EXOC6B: variants seen among roughly 807,000 people sequenced by gnomAD.
The protein encoded by EXOC6B is SEC15 homolog B.
EXOC6B carries 54 observed loss-of-function variants against 113.5 expected under a neutral mutation model. The observed-to-expected ratio is 0.48, with a 90% CI of 0.38 to 0.60. The LOEUF (loss-of-function observed/expected upper bound fraction) is 0.60. Among genes scored for constraint, EXOC6B ranks in the 20% least tolerant of loss-of-function variants. EXOC6B has a pLI of 0.00. For synonymous variants in EXOC6B, 357 were observed against 339.0 expected (o/e 1.05, Z -0.58); for missense variants, 797 against 977.5 (o/e 0.82, Z 2.46).
intron 6 of EXOC6B, among the ~76,000 whole-genome samples, chr2:72,612,061 T>C (rs766866923): frequency 2.0e-5 from 3 of 152,028 alleles, no homozygotes; most frequent in Non-Finnish European, 4.4e-5. Flanking sequence ...GGCGGGTGGA[T>C]CACTTGAGGC....
chr2:72,573,664 G>A (rs1266902543), intron 7 of EXOC6B, among the ~76,000 whole-genome samples: 1 of 152,174 alleles, frequency 6.6e-6, no homozygotes, highest in African/African-American at 2.4e-5. Context: ...GTGCAATAGG[G>A]ATAGGATGAA....
chr2:72,706,917 A>G (rs1035323232), intron 6 of EXOC6B, among the ~76,000 whole-genome samples: 1 of 152,184 alleles, frequency 6.6e-6, no homozygotes, highest in Non-Finnish European at 1.5e-5. Context: ...AAGAAGTTCA[A>G]CCATAGTGAT....
At position 72,179,097 on chromosome 2, in the gene EXOC6B, A is replaced by T. The variant is rs1677920963; in HGVS notation, c.*238T>A. 2.1e-6 allele frequency: 1 copy of T among 467,154 alleles called. No homozygotes were observed. Among genetic ancestry groups the T allele is most frequent in the Non-Finnish European group, 3.7e-6 (1 of 268,702 alleles). 28.9% of individuals were successfully genotyped at this position (467,154 alleles called of 1,614,324 possible). A position where few individuals can be genotyped will look rare whatever the true frequency, so the allele number is the denominator to read the frequency against. On this transcript the variant is annotated 3_prime_UTR_variant, in exon 22 of 22. Transcript: ENST00000272427. Reference sequence around the variant, plus strand: ...ATGATACCACCATCTCTAAGATAACACAGATAGTGTAGTAATAACTTCCCC... The same window carrying T: ...ATGATACCACCATCTCTAAGATAACTCAGATAGTGTAGTAATAACTTCCCC...
At chr2:72,805,584 T>C (rs1485263217) in intron 1 of EXOC6B, among the ~76,000 whole-genome samples, 3 of 152,206 alleles carry the variant, frequency 2.0e-5, no homozygotes, top group Non-Finnish European at 2.9e-5. Flanking sequence ...TGTGAAATGA[T>C]TAAATCAAGG....
intron 20 of EXOC6B, among the ~76,000 whole-genome samples, chr2:72,261,030 G>C (rs768630122): frequency 8.5e-5 from 13 of 152,074 alleles, no homozygotes; most frequent in Admixed American, 3.3e-4. Flanking sequence ...TGTTGACAAG[G>C]TCTATAAACT....
intron 6 of EXOC6B, among the ~76,000 whole-genome samples, chr2:72,695,015 T>C (rs1002130404): frequency 6.6e-6 from 1 of 152,190 alleles, no homozygotes; most frequent in African/African-American, 2.4e-5. Flanking sequence ...CAGCCGCTAC[T>C]CCACAAGCAA....
chr2:72,524,875 A>G (rs1701679413), intron 8 of EXOC6B, among the ~76,000 whole-genome samples: 2 of 152,258 alleles, frequency 1.3e-5, no homozygotes, highest in South Asian at 2.1e-4. Context: ...CATTAAAAAT[A>G]TCATTACTTC....
intron 20 of EXOC6B, among the ~76,000 whole-genome samples, chr2:72,323,638 T>C (rs184898947): frequency 1.3e-5 from 2 of 152,208 alleles, no homozygotes; most frequent in East Asian, 3.9e-4. Flanking sequence ...ATATACACCA[T>C]GGAATACTAT....
intron 18 of EXOC6B, among the ~76,000 whole-genome samples, chr2:72,426,716 T>C (rs1216088922): frequency 1.3e-5 from 2 of 152,220 alleles, no homozygotes; most frequent in African/African-American, 4.8e-5. Flanking sequence ...GTGCGCTTAT[T>C]TCCCAGTTAA....
chr2:72,539,003 A>G (rs1702451160), intron 8 of EXOC6B, among the ~76,000 whole-genome samples: 2 of 152,216 alleles, frequency 1.3e-5, no homozygotes, highest in African/African-American at 4.8e-5. Flanking sequence ...TGAAATACAT[A>G]TAACAATGCC....
Position 72,496,447 on chromosome 2 carries a change from TC to T in EXOC6B, c.1443+6del. ...ACCAGAGAAATTTATTTTAAAGTAT[TC>T]CTTACCTTTTCCAGTTCTATATCTT... On this transcript the variant is annotated splice_donor_region_variant and intron_variant, in intron 14 of 21. Transcript: ENST00000272427. The T allele has an allele frequency of 6.5e-7, 1 of 1,536,784 alleles. No homozygotes were observed. Among genetic ancestry groups the T allele is most frequent in the East Asian group, 2.3e-5 (1 of 44,082 alleles).
At chr2:72,220,821 T>C (rs1329188409) in intron 20 of EXOC6B, among the ~76,000 whole-genome samples, 1 of 152,168 alleles carries the variant, frequency 6.6e-6, no homozygotes, top group East Asian at 1.9e-4. Flanking sequence ...TCTAAAGACA[T>C]TTATTTCCTT....
chr2:72,270,048 A>AC, intron 20 of EXOC6B, among the ~76,000 whole-genome samples: 1 of 152,130 alleles, frequency 6.6e-6, no homozygotes. Context: ...ATGTGCCCCA[A>AC]CCCCTCATAT....
chr2:72,653,605 C>CCG (rs1355027935), intron 6 of EXOC6B, among the ~76,000 whole-genome samples: 105 of 144,856 alleles, frequency 7.2e-4, no homozygotes, highest in Non-Finnish European at 1.2e-3. Flanking sequence ...GCAACCCCCC[C>CCG]CCAAAAAGAA....
chr2:72,672,144 A>G (rs1019215739), intron 6 of EXOC6B, among the ~76,000 whole-genome samples: 1 of 151,876 alleles, frequency 6.6e-6, no homozygotes, highest in Admixed American at 6.6e-5. Flanking sequence ...AAGTTCCTCA[A>G]AAAACTAAGA....
intron 1 of EXOC6B, among the ~76,000 whole-genome samples, chr2:72,744,731 C>T (rs1389472840): frequency 1.3e-5 from 2 of 152,148 alleles, no homozygotes; most frequent in Non-Finnish European, 2.9e-5. Context: ...CTGGGTAAAA[C>T]TTCTTTTCAT....
Position 72,403,778 on chromosome 2 carries a change from G to A in EXOC6B, c.1981-23908C>T, listed in dbSNP as rs531264582. Among the ~76,000 whole-genome samples, 358 of 152,262 alleles carry A rather than the reference G, an allele frequency of 2.4e-3. 1 individual carries two copies. The highest frequency in any genetic ancestry group is 8.0e-3 in the African/African-American group (331 of 41,540). On this transcript the variant is annotated intron_variant, in intron 18 of 21. Coordinates refer to ENST00000272427, the MANE Select transcript of EXOC6B (RefSeq NM_015189.3). ...ACAGCTCCAGTCTACAGCTCCCAGCGTGAGCGACGCATAAGACTGGTGATT... is the reference window on the plus strand; with the variant it reads ...ACAGCTCCAGTCTACAGCTCCCAGCATGAGCGACGCATAAGACTGGTGATT...
intron 20 of EXOC6B, among the ~76,000 whole-genome samples, chr2:72,198,559 TAGTAGTAAGTACAAAGTA>T (rs1334397215): frequency 1.3e-5 from 2 of 152,304 alleles, no homozygotes; most frequent in African/African-American, 4.8e-5. Context: ...AATAGCAAAG[TAGTAGTAAGTACAAAGTA>T]AGTAGTAAGT....
chr2:72,785,250 G>T (rs1401992156), intron 1 of EXOC6B, among the ~76,000 whole-genome samples: 1 of 152,230 alleles, frequency 6.6e-6, no homozygotes, highest in Admixed American at 6.5e-5. Flanking sequence ...CTAGCATTGA[G>T]TGTCTGCAGC....
Sources: gnomAD v4.1 joint callset for allele counts (sites outside exome capture counted in the v4.1 genomes callset) on GRCh38, gnomAD v4.1.1 for gene constraint, MANE v1.5 for transcripts, NCBI Gene and HGNC (gene_info 2026-07-23, HGNC 2026-07-21) for gene names.